The following DYNLL1 variants were observed in gnomAD, a reference collection of about 807,000 sequenced individuals.
DYNLL1 encodes dynein light chain 1, cytoplasmic.
DYNLL1 carries 3 observed loss-of-function variants against 10.1 expected under a neutral mutation model. The ratio of observed to expected loss-of-function variants is 0.30; its 90% CI spans 0.14 to 0.77. The LOEUF is 0.77. DYNLL1 is among the 30% of genes least tolerant of loss of function. The pLI, the probability that DYNLL1 is intolerant of heterozygous loss-of-function variation, is 0.66. For missense variants in DYNLL1, 47 were observed against 111.7 expected (o/e 0.42, Z 2.61); for synonymous variants, 46 against 41.2 (o/e 1.12, Z -0.45).
In DYNLL1 at chr12:120,481,278, C is replaced by T. The variant is rs535031304; in HGVS notation, c.-7+11174C>T. On this transcript the variant is annotated intron_variant, in intron 1 of 2. Coordinates refer to the DYNLL1 transcript ENST00000392509. ...TTCAATTATCTGAGATCAACTGGAC[C>T]TCTGAAAATTCTATTCAGTTCTGAC... 2.6e-5 allele frequency among the ~76,000 whole-genome samples: 4 copies of T among 152,194 alleles called. No individual in the cohort carries two copies. The South Asian group carries it at 8.3e-4, about 32-fold the overall frequency.
At chr12:120,471,439 T>C (rs1196621569) in intron 1 of DYNLL1, among the ~76,000 whole-genome samples, 2 of 152,022 alleles carry the variant, frequency 1.3e-5, no homozygotes, top group African/African-American at 4.8e-5. Flanking sequence ...AATCAGAAGG[T>C]AGTTGATTTC....
chr12:120,473,801 C>T lies in DYNLL1; in HGVS notation c.-7+3697C>T, dbSNP rs1479275217. 4.6e-5 allele frequency among the ~76,000 whole-genome samples: 7 copies of T among 151,856 alleles called. No individual in the cohort carries two copies. In the East Asian group the frequency reaches 5.8e-4, roughly 13 times the overall value. On this transcript the variant is annotated intron_variant, in intron 1 of 2. Transcript: ENST00000392509. ...TTGAGCTCAAGTGATCCGCCCATCT[C>T]GGCCTCCCAAAGTGCTGGGATTACA... is the stretch of plus-strand genomic sequence containing the variant.
intron 2 of DYNLL1, chr12:120,497,529 A>C (rs550405360): frequency 6.6e-6 from 1 of 152,588 alleles, no homozygotes; most frequent in African/African-American, 2.4e-5. Flanking sequence ...GGAGTGCTTC[A>C]GTATTGTGTT....
chr12:120,487,990 A>C (rs1013482791), intron 1 of DYNLL1: 1 of 152,242 alleles, frequency 6.6e-6, no homozygotes, highest in Non-Finnish European at 1.5e-5. Context: ...ATTAGATAAT[A>C]TTATGAAGAA....
intron 1 of DYNLL1, among the ~76,000 whole-genome samples, chr12:120,489,573 A>AATT (rs1879073013): frequency 6.6e-6 from 1 of 152,042 alleles, no homozygotes; most frequent in African/African-American, 2.4e-5. Flanking sequence ...CTGCTGCAAT[A>AATT]GCCTCTAACT....
chr12:120,489,811 G>A (rs1414050848), intron 1 of DYNLL1, among the ~76,000 whole-genome samples: 5 of 152,264 alleles, frequency 3.3e-5, no homozygotes, highest in African/African-American at 9.6e-5. Context: ...GCAGTGGCGC[G>A]ATCTCAGCTC....
upstream of DYNLL1, among the ~76,000 whole-genome samples, chr12:120,492,385 T>C (rs145819029): frequency 8.6e-4 from 131 of 152,140 alleles, 1 homozygote; most frequent in East Asian, 0.024. The surrounding 1 kb of genome is among the most constrained non-coding windows in gnomAD (Gnocchi z 4.1). Flanking sequence ...CTGGCCAACA[T>C]GGTGAAACCC....
At position 120,486,067 on chromosome 12, in the gene DYNLL1, G is replaced by A. The variant is rs536259004; in HGVS notation, c.-6-10349G>A. On this transcript the variant is annotated intron_variant, in intron 1 of 2. Coordinates refer to the DYNLL1 transcript ENST00000392509. ...AAAACGGGTGTCAGGAAAGAAAATT[G>A]ATTAAAACCCCTGTAAATATTTCAC... Among the ~76,000 whole-genome samples, 10 of 152,268 alleles carry A rather than the reference G, an allele frequency of 6.6e-5. No individual in the cohort carries two copies. In the South Asian group the frequency reaches 1.7e-3, roughly 25 times the overall value.
intron 1 of DYNLL1, among the ~76,000 whole-genome samples, chr12:120,485,969 A>G (rs1260914828): frequency 6.6e-6 from 1 of 151,966 alleles, no homozygotes; most frequent in African/African-American, 2.4e-5. Flanking sequence ...TACAGTTAAC[A>G]TTTATAATTC....
rs1308696796 is a variant in DYNLL1 at position 120,496,427 on chromosome 12, C to T, written c.6C>T (p.Cys2=). The change falls in exon 2 of 3, where the codon TGC becomes TGT. Residue 2 remains cysteine, a synonymous_variant. Transcript: ENST00000242577. ...GCCTTGCCCACTAGGTAACCATGTGCGACCGAAAGGCCGTGATCAAAAATG... is the reference window on the plus strand; with the variant it reads ...GCCTTGCCCACTAGGTAACCATGTGTGACCGAAAGGCCGTGATCAAAAATG... M[C]DRKAVIKNAD... The T allele has an allele frequency of 6.2e-7, 1 of 1,613,870 alleles. No homozygotes were observed. The highest frequency in any genetic ancestry group is 8.5e-7 in the Non-Finnish European group (1 of 1,179,958).
chr12:120,485,716 C>T (rs1878978725), intron 1 of DYNLL1, among the ~76,000 whole-genome samples: 3 of 151,214 alleles, frequency 2.0e-5, no homozygotes, highest in Admixed American at 2.0e-4. Flanking sequence ...TGGTGTGCAC[C>T]TGTGATCCCA....
intron 1 of DYNLL1, among the ~76,000 whole-genome samples, chr12:120,481,786 T>C (rs2137061117): frequency 6.6e-6 from 1 of 152,374 alleles, no homozygotes; most frequent in East Asian, 1.9e-4. Context: ...TCTAGTAATG[T>C]GGATAGTCTT....
In DYNLL1 at chr12:120,498,363, CTAGTTTGTCGTGGTTAT is replaced by C; in HGVS notation, c.*154_*170del. On this transcript the variant is annotated 3_prime_UTR_variant, in exon 3 of 3. Transcript: ENST00000242577. ...TGTTTTGTACAGGGCATTCTCTGTACTAGTTTGTCGTGGTTATAAAACAATTAGCAGAATAGCCTACA... is the reference window on the plus strand; with the variant it reads ...TGTTTTGTACAGGGCATTCTCTGTACAAAACAATTAGCAGAATAGCCTACA... The C allele has an allele frequency of 2.3e-6, 2 of 879,164 alleles. No homozygotes were observed. Among genetic ancestry groups the C allele is most frequent in the Non-Finnish European group, 3.3e-6 (2 of 612,222 alleles). 54.5% of individuals were successfully genotyped at this position (879,164 alleles called of 1,614,324 possible).
Position 120,485,020 on chromosome 12 carries a change from G to A in DYNLL1, c.-6-11396G>A, listed in dbSNP as rs1294401756. Among the ~76,000 whole-genome samples the A allele has an allele frequency of 2.0e-5, 3 of 151,908 alleles. No homozygotes were observed. In the East Asian group the frequency reaches 5.9e-4, roughly 30 times the overall value. On this transcript the variant is annotated intron_variant, in intron 1 of 2. Coordinates refer to the DYNLL1 transcript ENST00000392509. ...CTCCCAAAGTGCTGGGATTACAGGC[G>A]TGAGCCACCGCCCCTGGCCGCATGG...
At chr12:120,493,223 A>G (rs977578061), upstream of DYNLL1, among the ~76,000 whole-genome samples, 3 of 152,186 alleles carry the variant, frequency 2.0e-5, no homozygotes, top group South Asian at 6.2e-4. Context: ...TATGGTAATG[A>G]TATAAATTTG....
At position 120,496,207 on chromosome 12, in the gene DYNLL1, C is replaced by G. The variant is rs912683612; in HGVS notation, c.-16C>G. 2.9e-6 allele frequency: 2 copies of G among 694,132 alleles called. No individual in the cohort carries two copies. The highest frequency in any genetic ancestry group is 4.8e-6 in the Non-Finnish European group (2 of 417,130). The allele number at this position is 694,132 out of a possible 1,614,324, so 43.0% of individuals were successfully genotyped here. On this transcript the variant is annotated 5_prime_UTR_variant, in exon 1 of 3. Coordinates refer to ENST00000242577, the MANE Select transcript of DYNLL1 (RefSeq NM_003746.3). ...GAGACCGTTGCAGTCGGCCAGCCCCCTTCTCCACGGTGAGAAACTCGGGGG... is the reference window on the plus strand; with the variant it reads ...GAGACCGTTGCAGTCGGCCAGCCCCGTTCTCCACGGTGAGAAACTCGGGGG...
chr12:120,496,398 C>G lies in DYNLL1; in HGVS notation c.-6-18C>G, dbSNP rs755419676. On this transcript the variant is annotated intron_variant, in intron 1 of 2. Coordinates refer to ENST00000242577, the MANE Select transcript of DYNLL1 (RefSeq NM_003746.3). ...GCGCGGCCCAACTCAACCCCTTACC[C>G]CAGGCCTTGCCCACTAGGTAACCAT... The G allele has an allele frequency of 3.7e-6, 6 of 1,613,794 alleles. No individual in the cohort carries two copies. Among genetic ancestry groups the G allele is most frequent in the Non-Finnish European group, 5.1e-6 (6 of 1,179,982 alleles).
chr12:120,475,476 G>A (rs1292011716), intron 1 of DYNLL1, among the ~76,000 whole-genome samples: 2 of 152,216 alleles, frequency 1.3e-5, no homozygotes, highest in Non-Finnish European at 2.9e-5. Context: ...ACAGTTGTAT[G>A]CAAAATATTG....
chr12:120,471,228 A>T (rs1878643785), intron 1 of DYNLL1, among the ~76,000 whole-genome samples: 1 of 145,926 alleles, frequency 6.9e-6, no homozygotes, highest in African/African-American at 2.5e-5. Context: ...AAAAAAAATT[A>T]GCCAAGCTTG....
Sources: gnomAD v4.1 joint callset for allele counts (sites outside exome capture counted in the v4.1 genomes callset) on GRCh38, gnomAD v4.1.1 for gene constraint, Gnocchi (gnomAD v3.1) non-coding constraint, MANE v1.5 for transcripts, NCBI Gene and HGNC (gene_info 2026-07-23, HGNC 2026-07-21) for gene names.